Variants in SORBS2 observed in about 807,000 individuals in gnomAD.
SORBS2 encodes the protein sorbin and SH3 domain containing 2.
SORBS2 carries 46 observed loss-of-function variants against 97.7 expected under a neutral mutation model. The observed-to-expected ratio is 0.47, with a 90% CI of 0.37 to 0.60. SORBS2 has a LOEUF of 0.60. SORBS2 is among the 20% of genes least tolerant of loss of function. The pLI, the probability that SORBS2 is intolerant of heterozygous loss-of-function variation, is 0.00. For missense variants in SORBS2, 1,316 were observed against 1,282.3 expected (o/e 1.03, Z -0.40); for synonymous variants, 476 against 473.4 (o/e 1.01, Z -0.07).
At chr4:185,705,552 A>G (rs2098331160) in intron 2 of SORBS2, among the ~76,000 whole-genome samples, 1 of 152,138 alleles carries the variant, frequency 6.6e-6, no homozygotes, top group African/African-American at 2.4e-5. Flanking sequence ...CTCAAAAAAT[A>G]TATATAAAAT....
chr4:185,643,242 A>G (rs1022483263), intron 4 of SORBS2, among the ~76,000 whole-genome samples: 1 of 152,206 alleles, frequency 6.6e-6, no homozygotes, highest in Non-Finnish European at 1.5e-5. Flanking sequence ...AGAATTCTCC[A>G]TGTGAAGGAA....
At chr4:185,659,507 C>T (rs1380679249), upstream of SORBS2, among the ~76,000 whole-genome samples, 2 of 152,000 alleles carry the variant, frequency 1.3e-5, no homozygotes, top group Non-Finnish European at 2.9e-5. Flanking sequence ...AGCTCCACCT[C>T]CTGGGTTCAC....
chr4:185,781,116 T>A (rs1210627328), intron 1 of SORBS2, among the ~76,000 whole-genome samples: 1 of 152,076 alleles, frequency 6.6e-6, no homozygotes, highest in African/African-American at 2.4e-5. Flanking sequence ...TTTTGTATTT[T>A]TAGTAGAGAC....
chr4:185,746,920 T>G (rs2098764949), intron 2 of SORBS2, among the ~76,000 whole-genome samples: 1 of 152,162 alleles, frequency 6.6e-6, no homozygotes, highest in South Asian at 2.1e-4. Context: ...GTGCCCTGTA[T>G]TTGAAGACAG....
intron 1 of SORBS2, among the ~76,000 whole-genome samples, chr4:185,834,009 AT>A (rs1271042556): frequency 6.6e-6 from 1 of 152,258 alleles, no homozygotes; most frequent in Non-Finnish European, 1.5e-5. Flanking sequence ...AAATTATGAC[AT>A]TGGAAATGCC....
At position 185,606,163 on chromosome 4, in the gene SORBS2, T is replaced by C. The variant is rs1269332775; in HGVS notation, c.2796+5617A>G. The C allele has an allele frequency of 2.0e-6, 2 of 985,286 alleles. No individual in the cohort carries two copies. The highest frequency in any genetic ancestry group is 1.7e-5 in the African/African-American group (1 of 57,256). The allele number at this position is 985,286 out of a possible 1,614,324, so 61.0% of individuals were successfully genotyped here. Reference sequence around the variant, plus strand: ...CTCATCCTGGAATAGGACAAATTTCTGGGCATCAACTTCCTCTTCTCTAAA... The same window carrying C: ...CTCATCCTGGAATAGGACAAATTTCCGGGCATCAACTTCCTCTTCTCTAAA... On this transcript the variant is annotated intron_variant, in intron 12 of 14. Transcript: ENST00000418609. This position sits in a 1 kb window ranked among gnomAD's most constrained non-coding sequence, Gnocchi z 4.3.
At position 185,685,257 on chromosome 4, in the gene SORBS2, A is replaced by T. The variant is rs73013661; in HGVS notation, c.-197-6435T>A. ...TCAGGATTAAAGGCTATGGTACAAC[A>T]TACTTTTAAGTTAATATCATTTAAG... is the stretch of plus-strand genomic sequence containing the variant. On this transcript the variant is annotated intron_variant, in intron 2 of 20. Coordinates refer to the SORBS2 transcript ENST00000284776. Among the ~76,000 whole-genome samples, 1,144 of 152,332 alleles carry T rather than the reference A, an allele frequency of 7.5e-3. 19 individuals carry two copies. The highest frequency in any genetic ancestry group is 0.026 in the African/African-American group (1,093 of 41,578).
At chr4:185,920,201 T>A (rs551761831) in intron 1 of SORBS2, among the ~76,000 whole-genome samples, 1 of 152,320 alleles carries the variant, frequency 6.6e-6, no homozygotes, top group African/African-American at 2.4e-5. Flanking sequence ...TTTCTACAGA[T>A]CTTGAATGGC....
chr4:185,619,982 TG>T (rs1264282539), intron 8 of SORBS2, 80 bp downstream of exon 20: 1 of 851,006 alleles, frequency 1.2e-6, no homozygotes, highest in Non-Finnish European at 2.0e-6. Flanking sequence ...AGTTCGTTAC[TG>T]GTTTGGGATA....
Position 185,882,713 on chromosome 4 carries a change from A to G in SORBS2, c.-338+73483T>C, listed in dbSNP as rs1210415049. Reference sequence around the variant, plus strand: ...TACCATAGGACTGTGATAATAAAATACTGTGGTATAGCTGAAAGGATATGA... The same window carrying G: ...TACCATAGGACTGTGATAATAAAATGCTGTGGTATAGCTGAAAGGATATGA... On this transcript the variant is annotated intron_variant, in intron 1 of 20. Transcript: ENST00000284776. 4.6e-5 allele frequency among the ~76,000 whole-genome samples: 7 copies of G among 152,350 alleles called. 1 individual carries two copies. The East Asian group carries it at 1.3e-3, about 29-fold the overall frequency.
chr4:185,612,633 C>T (rs751549513), intron 11 of SORBS2, among the ~76,000 whole-genome samples: 10 of 151,788 alleles, frequency 6.6e-5, no homozygotes, highest in African/African-American at 1.4e-4. Flanking sequence ...GGATTACAGG[C>T]GCCCGCCACC....
At chr4:185,637,849 A>G (rs115432013) in intron 4 of SORBS2, among the ~76,000 whole-genome samples, 246 of 152,232 alleles carry the variant, frequency 1.6e-3, no homozygotes, top group African/African-American at 5.7e-3. Context: ...GTAATGAATT[A>G]GATGTAAAGA....
intron 1 of SORBS2, among the ~76,000 whole-genome samples, chr4:185,906,506 T>C (rs13134779): frequency 0.24 from 36,205 of 152,226 alleles, 4,826 homozygotes; most frequent in East Asian, 0.55. Flanking sequence ...AACCAAAACA[T>C]TTAAAATCAT....
intron 1 of SORBS2, among the ~76,000 whole-genome samples, chr4:185,943,433 G>A (rs945883623): frequency 1.7e-4 from 26 of 152,146 alleles, no homozygotes; most frequent in African/African-American, 5.8e-4. Flanking sequence ...CATCATCTAC[G>A]ACATATTCTT....
At chr4:185,859,352 G>C (rs903414294) in intron 1 of SORBS2, among the ~76,000 whole-genome samples, 1 of 152,132 alleles carries the variant, frequency 6.6e-6, no homozygotes, top group African/African-American at 2.4e-5. Flanking sequence ...TATCCTCCCA[G>C]CTGCTCCTCC....
At chr4:185,938,008 CTTTTTT>C (rs529655739) in intron 1 of SORBS2, among the ~76,000 whole-genome samples, 3 of 121,324 alleles carry the variant, frequency 2.5e-5, no homozygotes, top group Non-Finnish European at 1.7e-5. Flanking sequence ...AGAAATCATT[CTTTTTT>C]TTTTTTTTTT....
chr4:185,596,186 TA>T (rs1225018113), intron 12 of SORBS2, among the ~76,000 whole-genome samples: 1 of 152,244 alleles, frequency 6.6e-6, no homozygotes, highest in African/African-American at 2.4e-5. Context: ...TAAAATTGAG[TA>T]AAAGTTTCAA....
At chr4:185,726,601 CAT>C (rs889789067) in intron 2 of SORBS2, among the ~76,000 whole-genome samples, 1 of 151,140 alleles carries the variant, frequency 6.6e-6, no homozygotes, top group Admixed American at 6.6e-5. Flanking sequence ...TATACAGAAA[CAT>C]AAGGATATTT....
At chr4:185,806,721 G>T (rs2099158351) in intron 1 of SORBS2, among the ~76,000 whole-genome samples, 1 of 152,010 alleles carries the variant, frequency 6.6e-6, no homozygotes, top group African/African-American at 2.4e-5. Context: ...GCCTCCCAAA[G>T]TGCTGGGATT....
Sources: gnomAD v4.1 joint callset for allele counts (sites outside exome capture counted in the v4.1 genomes callset) on GRCh38, gnomAD v4.1.1 for gene constraint, Gnocchi (gnomAD v3.1) non-coding constraint, MANE v1.5 for transcripts, NCBI Gene and HGNC (gene_info 2026-07-23, HGNC 2026-07-21) for gene names.